FBXL7: variants seen among roughly 807,000 people sequenced by gnomAD.
FBXL7 encodes F-box/LRR-repeat protein 7.
FBXL7 carries 12 observed loss-of-function variants against 38.3 expected under a neutral mutation model. That is an observed-to-expected ratio of 0.31 (90% CI 0.20 to 0.51). The LOEUF (loss-of-function observed/expected upper bound fraction) is 0.51, where lower values mean the gene tolerates loss of function less well. FBXL7 is among the 20% of genes least tolerant of loss of function. FBXL7 has a pLI of 0.98. For synonymous variants in FBXL7, 297 were observed against 300.9 expected (o/e 0.99, Z 0.13); for missense variants, 567 against 676.4 (o/e 0.84, Z 1.79).
chr5:15,900,439 C>G (rs1027659925), intron 2 of FBXL7, among the ~76,000 whole-genome samples: 1 of 152,156 alleles, frequency 6.6e-6, no homozygotes, highest in Non-Finnish European at 1.5e-5. Context: ...CGTGGTGCCA[C>G]TAGCCAAGCC....
At chr5:15,900,936 G>A (rs1741218601) in intron 2 of FBXL7, among the ~76,000 whole-genome samples, 1 of 152,200 alleles carries the variant, frequency 6.6e-6, no homozygotes, top group Non-Finnish European at 1.5e-5. Flanking sequence ...AATCTTTAGA[G>A]CACTCTGGAC....
At chr5:15,914,843 G>A (rs546926631) in intron 2 of FBXL7, among the ~76,000 whole-genome samples, 2 of 152,324 alleles carry the variant, frequency 1.3e-5, no homozygotes, top group South Asian at 4.1e-4. Context: ...CTGACTCAGA[G>A]ATGAAGGAGG....
chr5:15,840,977 A>G (rs367776659), intron 2 of FBXL7, among the ~76,000 whole-genome samples: 5 of 152,222 alleles, frequency 3.3e-5, no homozygotes, highest in African/African-American at 7.2e-5. Context: ...TTACTAGTCA[A>G]TTAAGGCCTA....
chr5:15,819,872 G>C (rs1377166349), intron 2 of FBXL7, among the ~76,000 whole-genome samples: 1 of 152,188 alleles, frequency 6.6e-6, no homozygotes, highest in Non-Finnish European at 1.5e-5. Context: ...CTGAGTCGTG[G>C]TATCCCAGCT....
intron 1 of FBXL7, among the ~76,000 whole-genome samples, chr5:15,575,459 C>T (rs1034082002): frequency 2.6e-5 from 4 of 152,142 alleles, no homozygotes; most frequent in Non-Finnish European, 5.9e-5. Context: ...GTTATAATAG[C>T]TTTCTGTTTT....
intron 1 of FBXL7, chr5:15,607,267 C>G (rs1740056190): frequency 6.6e-6 from 1 of 152,222 alleles, no homozygotes; most frequent in South Asian, 2.1e-4. Flanking sequence ...AGGCCTCCAC[C>G]TGGGTCCGTG....
intron 2 of FBXL7, among the ~76,000 whole-genome samples, chr5:15,812,860 G>T (rs1464160882): frequency 6.6e-6 from 1 of 152,098 alleles, no homozygotes; most frequent in Non-Finnish European, 1.5e-5. Flanking sequence ...CTTGTAAGTT[G>T]TATTCCTAAG....
At position 15,805,141 on chromosome 5, in the gene FBXL7, C is replaced by T. The variant is rs1212942439; in HGVS notation, c.128-122749C>T. On this transcript the variant is annotated intron_variant, in intron 2 of 3. Transcript: ENST00000504595. ...AGATCAGGGGCCACGCTAATGACTG[C>T]CTTAGAGATCATAACCTTACTTACC... 2.0e-5 allele frequency among the ~76,000 whole-genome samples: 3 copies of T among 152,150 alleles called. No individual in the cohort carries two copies. The South Asian group carries it at 6.2e-4, about 31-fold the overall frequency.
chr5:15,685,633 C>G (rs1204700790), intron 2 of FBXL7, among the ~76,000 whole-genome samples: 1 of 152,152 alleles, frequency 6.6e-6, no homozygotes, highest in Non-Finnish European at 1.5e-5. Flanking sequence ...TTAAGACAGG[C>G]AGAACTGAGT....
At chr5:15,704,939 TTCATTTAGATTGGTAACATG>T (rs1188628047) in intron 2 of FBXL7, among the ~76,000 whole-genome samples, 4 of 150,228 alleles carry the variant, frequency 2.7e-5, no homozygotes, top group Admixed American at 1.3e-4. Context: ...GCATAGACAG[TTCATTTAGATTGGTAACATG>T]GGCTAGGTAA....
At chr5:15,777,917 C>T (rs115850080) in intron 2 of FBXL7, among the ~76,000 whole-genome samples, 3,026 of 151,862 alleles carry the variant, frequency 0.02, 55 homozygotes, top group Non-Finnish European at 0.026. Flanking sequence ...TCCACATGAA[C>T]GCCAGCAATC....
intron 1 of FBXL7, among the ~76,000 whole-genome samples, chr5:15,523,967 A>G (rs1041786222): frequency 1.3e-5 from 2 of 152,156 alleles, no homozygotes; most frequent in African/African-American, 4.8e-5. Flanking sequence ...TTGCATATAG[A>G]GATGTGATCT....
intron 2 of FBXL7, among the ~76,000 whole-genome samples, chr5:15,847,555 TA>T (rs1738947681): frequency 6.6e-6 from 1 of 152,158 alleles, no homozygotes; most frequent in Non-Finnish European, 1.5e-5. Flanking sequence ...ATCCTGTATA[TA>T]ATTCACTCCT....
chr5:15,612,722 G>T (rs1341434713), intron 1 of FBXL7, among the ~76,000 whole-genome samples: 1 of 152,174 alleles, frequency 6.6e-6, no homozygotes, highest in Non-Finnish European at 1.5e-5. Flanking sequence ...GATACAGTCA[G>T]ACTCAGTGAA....
At chr5:15,704,366 T>TG (rs1561092597) in intron 2 of FBXL7, among the ~76,000 whole-genome samples, 1 of 152,176 alleles carries the variant, frequency 6.6e-6, no homozygotes, top group East Asian at 1.9e-4. Context: ...AACTTTTTTA[T>TG]GGGGGGTGTT....
chr5:15,905,074 T>C (rs1741323892), intron 2 of FBXL7, among the ~76,000 whole-genome samples: 1 of 152,220 alleles, frequency 6.6e-6, no homozygotes, highest in Non-Finnish European at 1.5e-5. Flanking sequence ...TCACTGGATA[T>C]TCAGCTCTGT....
chr5:15,743,492 A>G (rs1362758671), intron 2 of FBXL7, among the ~76,000 whole-genome samples: 2 of 152,204 alleles, frequency 1.3e-5, no homozygotes, highest in South Asian at 2.1e-4. Flanking sequence ...GGCTCCCACC[A>G]TCTTGCACAG....
intron 2 of FBXL7, among the ~76,000 whole-genome samples, chr5:15,651,335 A>G (rs1348010603): frequency 6.6e-6 from 1 of 152,034 alleles, no homozygotes; most frequent in Non-Finnish European, 1.5e-5. Flanking sequence ...TGACCTCATG[A>G]TCTGCCCACC....
intron 1 of FBXL7, among the ~76,000 whole-genome samples, chr5:15,579,713 A>C (rs1739076841): frequency 6.6e-6 from 1 of 152,054 alleles, no homozygotes; most frequent in South Asian, 2.1e-4. Context: ...GGTGGAGTGG[A>C]TCTGGGGCCA....
Sources: gnomAD v4.1 joint callset for allele counts (sites outside exome capture counted in the v4.1 genomes callset) on GRCh38, gnomAD v4.1.1 for gene constraint, MANE v1.5 for transcripts, NCBI Gene and HGNC (gene_info 2026-07-23, HGNC 2026-07-21) for gene names.